DIP2A: variants seen among roughly 807,000 people sequenced by gnomAD.
DIP2A encodes disco-interacting protein 2 homolog A.
DIP2A carries 85 observed loss-of-function variants against 177.4 expected under a neutral mutation model. The ratio of observed to expected loss-of-function variants is 0.48; its 90% CI spans 0.40 to 0.57. The LOEUF (loss-of-function observed/expected upper bound fraction) is 0.57, where lower values mean the gene tolerates loss of function less well. Ranked by LOEUF, DIP2A falls within the 20% of genes least tolerant of loss-of-function variation. The pLI is 0.00. For synonymous variants in DIP2A, 886 were observed against 881.8 expected, an observed-to-expected ratio of 1.00 and a Z score of -0.08; for missense variants, 1,791 against 2,100.2, an observed-to-expected ratio of 0.85 and a Z score of 2.88.
downstream of DIP2A, among the ~76,000 whole-genome samples, chr21:46,573,216 GTCTC>G (rs1050004535): frequency 1.3e-5 from 2 of 151,986 alleles, no homozygotes; most frequent in African/African-American, 4.8e-5. Flanking sequence ...ACAGAAGTAA[GTCTC>G]TCCTTATTGA....
intron 8 of DIP2A, among the ~76,000 whole-genome samples, chr21:46,515,244 T>C (rs1226372428): frequency 6.6e-6 from 1 of 152,236 alleles, no homozygotes; most frequent in Non-Finnish European, 1.5e-5. Context: ...GACAAGGGCC[T>C]ATTTTCTGTT....
Position 46,462,209 on chromosome 21 carries a change from G to A in DIP2A, c.91+2987G>A, listed in dbSNP as rs532676976. ...AGTGATTACTTAGGCACAGTCACAC[G>A]TGGACCTGCTTCCAGGGCGCTTCCA... On this transcript the variant is annotated intron_variant, in intron 1 of 37. Coordinates refer to ENST00000417564, the MANE Select transcript of DIP2A (RefSeq NM_015151.4). Among the ~76,000 whole-genome samples the A allele has an allele frequency of 6.6e-5, 10 of 152,310 alleles. No homozygotes were observed. The South Asian group carries it at 1.9e-3, about 28-fold the overall frequency.
At chr21:46,545,731 C>T in intron 19 of DIP2A, 150 bp from the exon 20 acceptor site, 1 of 887,952 alleles carries the variant, frequency 1.1e-6, no homozygotes, top group Non-Finnish European at 1.8e-6. Flanking sequence ...AGCCAGGCCA[C>T]AGAAACTGGG....
intron 1 of DIP2A, among the ~76,000 whole-genome samples, chr21:46,460,550 T>C (rs1407133302): frequency 2.6e-5 from 4 of 152,236 alleles, no homozygotes; most frequent in East Asian, 1.9e-4. Flanking sequence ...CTAAATAATA[T>C]GCACTAGCAT....
At chr21:46,511,375 T>G (rs1432939443) in intron 7 of DIP2A, 42 bp from the exon 8 acceptor site, 2 of 1,541,914 alleles carry the variant, frequency 1.3e-6, no homozygotes, top group Non-Finnish European at 1.8e-6. Context: ...GTGTTCGTGG[T>G]GCTCTGAATT....
chr21:46,504,585 C>G (rs1048532291), intron 6 of DIP2A, 96 bp downstream of exon 6: 17 of 1,420,154 alleles, frequency 1.2e-5, no homozygotes, highest in Non-Finnish European at 1.2e-5. Context: ...GTAGCAAACC[C>G]AAGCCAAACG....
At chr21:46,465,133 A>G (rs140954427) in intron 1 of DIP2A, among the ~76,000 whole-genome samples, 21 of 152,256 alleles carry the variant, frequency 1.4e-4, no homozygotes, top group African/African-American at 5.1e-4. Context: ...GATCATCTCT[A>G]ATGTGACTGC....
intron 3 of DIP2A, 76 bp downstream of exon 3, chr21:46,490,795 T>C (rs1055212425): frequency 3.0e-5 from 44 of 1,450,020 alleles, no homozygotes; most frequent in Non-Finnish European, 3.9e-5. Context: ...AGTCTTCCAG[T>C]TATTTTTCCT....
intron 3 of DIP2A, among the ~76,000 whole-genome samples, chr21:46,495,123 A>ATCTC (rs1029506566): frequency 2.0e-5 from 3 of 150,602 alleles, no homozygotes; most frequent in Admixed American, 6.6e-5. Flanking sequence ...TCTGTACTTC[A>ATCTC]TCTCTCTCTC....
rs2060280197 is a variant in DIP2A, at chr21:46,551,761, G to GGGACGGGT, written c.2949+28_2949+35dup. ...CACGGAAGGTGACAGGCCAGTTCCGGGGACGGGTGGACGGGTGTCTGTGCC... is the reference window on the plus strand; with the variant it reads ...CACGGAAGGTGACAGGCCAGTTCCGGGGACGGGTGGACGGGTGGACGGGTGTCTGTGCC... On this transcript the variant is annotated intron_variant, in intron 24 of 37. Coordinates refer to ENST00000417564, the MANE Select transcript of DIP2A (RefSeq NM_015151.4). The GGGACGGGT allele has an allele frequency of 1.2e-6, 2 of 1,613,818 alleles. No individual in the cohort carries two copies. The highest frequency in any genetic ancestry group is 2.2e-5 in the East Asian group (1 of 44,880).
At chr21:46,558,162 C>G in intron 31 of DIP2A, 61 bp from the exon 32 acceptor site, 1 of 1,520,290 alleles carries the variant, frequency 6.6e-7, no homozygotes, top group Non-Finnish European at 8.8e-7. Flanking sequence ...CAAAACAGTG[C>G]CCAGGGCCCT....
rs1347125104 is a variant in DIP2A, at chr21:46,568,908, A to G, written c.*1286A>G. On this transcript the variant is annotated 3_prime_UTR_variant, in exon 38 of 38. Transcript: ENST00000417564. The stretch of plus-strand genomic sequence containing the variant: ...GGTTACATTCTTCACTGCTTTTTGC[A>G]TTTTGAGTTGTGTGCCTATAAAATT... 2 of 152,100 alleles carry G rather than the reference A, an allele frequency of 1.3e-5. No individual in the cohort carries two copies. Among genetic ancestry groups the G allele is most frequent in the African/African-American group, 2.4e-5 (1 of 41,398 alleles). 9.4% of individuals were successfully genotyped at this position (152,100 alleles called of 1,614,324 possible).
chr21:46,547,215 G>A, intron 21 of DIP2A, 173 bp downstream of exon 21: 1 of 1,405,734 alleles, frequency 7.1e-7, no homozygotes, highest in East Asian at 2.6e-5. Flanking sequence ...TGATACCAGA[G>A]TTAATATCCT....
chr21:46,544,858 G>A (rs373896416), intron 18 of DIP2A, among the ~76,000 whole-genome samples: 85 of 152,286 alleles, frequency 5.6e-4, no homozygotes, highest in African/African-American at 1.8e-3. Flanking sequence ...TTTATTTATC[G>A]TAGTACAGGA....
rs745851148 is a variant in DIP2A, at chr21:46,557,556, C to G, written c.3630-29C>G. 6.3e-7 allele frequency: 1 copy of G among 1,588,112 alleles called. No individual in the cohort carries two copies. The highest frequency in any genetic ancestry group is 2.3e-5 in the East Asian group (1 of 44,070). On this transcript the variant is annotated intron_variant, in intron 30 of 37. Coordinates refer to ENST00000417564, the MANE Select transcript of DIP2A (RefSeq NM_015151.4). The surrounding 1 kb of genome is among the most constrained non-coding windows in gnomAD (Gnocchi z 6.0). ...GTGCCCAGGGTGCTGGGTGGGCGGG[C>G]GGAGCCTCACGAGCCTTCCCTCTCG... is the stretch of plus-strand genomic sequence containing the variant.
chr21:46,509,746 T>C lies in DIP2A; in HGVS notation c.904+370T>C, dbSNP rs2058212651. On this transcript the variant is annotated intron_variant, in intron 7 of 37. Coordinates refer to ENST00000417564, the MANE Select transcript of DIP2A (RefSeq NM_015151.4). ...TGCTTTTCAGAATTTTAGCCTCTCATATGTGAATGAAATACGTATTTAGGA... is the reference window on the plus strand; with the variant it reads ...TGCTTTTCAGAATTTTAGCCTCTCACATGTGAATGAAATACGTATTTAGGA... Among the ~76,000 whole-genome samples, 6 of 152,220 alleles carry C rather than the reference T, an allele frequency of 3.9e-5. No homozygotes were observed. In the South Asian group the frequency reaches 1.0e-3, roughly 26 times the overall value.
At chr21:46,520,734 C>T (rs976110026) in intron 8 of DIP2A, among the ~76,000 whole-genome samples, 1 of 152,194 alleles carries the variant, frequency 6.6e-6, no homozygotes, top group Non-Finnish European at 1.5e-5. Flanking sequence ...ATAACATGTA[C>T]TGTCATATCA....
In DIP2A at chr21:46,551,710, C is replaced by T. The variant is rs755709447; in HGVS notation, c.2916C>T (p.Leu972=). 1.6e-5 allele frequency: 26 copies of T among 1,613,842 alleles called. No individual in the cohort carries two copies. Among genetic ancestry groups the T allele is most frequent in the Non-Finnish European group, 8.5e-6 (10 of 1,179,906 alleles). Residue 972 remains leucine (L), a synonymous_variant, in exon 24 of 38, where the codon CTC becomes CTT. Coordinates refer to ENST00000417564, the MANE Select transcript of DIP2A (RefSeq NM_015151.4). The stretch of plus-strand genomic sequence containing the variant: ...TCGCTCAGGCTTCCGGGAGAGAGCT[C>T]GCCCACCTGGAGGACAGCGACCAGG... ...KRIAQASGRE[L]AHLEDSDQAR...
chr21:46,554,934 G>T lies in DIP2A; in HGVS notation c.3388+1G>T. 1.9e-6 allele frequency: 3 copies of T among 1,551,392 alleles called. No homozygotes were observed. The highest frequency in any genetic ancestry group is 2.6e-6 in the Non-Finnish European group (3 of 1,147,388). ...ACCTGGCCCACCATCCTAGACACAG[G>T]TGCGTGTCCTCGCACTGCCCAGGAC... On this transcript the variant is annotated splice_donor_variant, in intron 28 of 37. Coordinates refer to ENST00000417564, the MANE Select transcript of DIP2A (RefSeq NM_015151.4). LOFTEE classifies it high-confidence loss of function.
Sources: allele counts gnomAD v4.1 joint callset (sites outside exome capture counted in the v4.1 genomes callset), GRCh38; gene constraint gnomAD v4.1.1; non-coding constraint Gnocchi (gnomAD v3.1); transcripts MANE v1.5; gene names NCBI Gene and HGNC (gene_info 2026-07-23, HGNC 2026-07-21).